The following FUBP3 variants were observed in gnomAD, a reference collection of about 807,000 sequenced individuals.
FUBP3 encodes the protein far upstream element-binding protein 3.
FUBP3 carries 28 observed loss-of-function variants against 85.6 expected under a neutral mutation model. The ratio of observed to expected loss-of-function variants is 0.33; its 90% CI spans 0.24 to 0.45. FUBP3 has a LOEUF of 0.45. Ranked by LOEUF, FUBP3 falls within the 20% of genes least tolerant of loss-of-function variation. The pLI is 1.00. For missense variants in FUBP3, 583 were observed against 755.1 expected (o/e 0.77, Z 2.67); for synonymous variants, 271 against 271.4 (o/e 1.00, Z 0.01).
rs1413706142 is a variant in FUBP3 at position 130,635,098 on chromosome 9, C to T, written c.1582+360C>T. ...GGCTGGGTGCCACCTGGCCGGCAAA[C>T]AGACCAACCAGACATCTTGTTCTCT... is the stretch of plus-strand genomic sequence containing the variant. On this transcript the variant is annotated intron_variant, in intron 17 of 18. Coordinates refer to ENST00000319725, the MANE Select transcript of FUBP3 (RefSeq NM_003934.2). This position sits in a 1 kb window ranked among gnomAD's most constrained non-coding sequence, Gnocchi z 4.3. 6.6e-6 allele frequency among the ~76,000 whole-genome samples: 1 copy of T among 152,186 alleles called. No homozygotes were observed. The highest frequency in any genetic ancestry group is 1.5e-5 in the Non-Finnish European group (1 of 68,048).
At chr9:130,609,930 T>A (rs775672563) in intron 2 of FUBP3, 24 bp from the exon 3 acceptor site, 7 of 1,594,756 alleles carry the variant, frequency 4.4e-6, no homozygotes, top group Non-Finnish European at 5.2e-6. Context: ...TTTGATTTTT[T>A]TTTTCTCTTT....
In FUBP3 at chr9:130,612,546, T is replaced by G; in HGVS notation, c.274+41T>G. ...GTCTACTTTTTCCCTGATTCCTGTCTCTTCTTTTTCTCTCTTTTTTTCTGA... is the reference window on the plus strand; with the variant it reads ...GTCTACTTTTTCCCTGATTCCTGTCGCTTCTTTTTCTCTCTTTTTTTCTGA... On this transcript the variant is annotated intron_variant, in intron 4 of 18. Coordinates refer to ENST00000319725, the MANE Select transcript of FUBP3 (RefSeq NM_003934.2). This position sits in a 1 kb window ranked among gnomAD's most constrained non-coding sequence, Gnocchi z 4.1. 3.3e-6 allele frequency: 4 copies of G among 1,219,630 alleles called. No homozygotes were observed. Among genetic ancestry groups the G allele is most frequent in the Non-Finnish European group, 4.8e-6 (4 of 826,328 alleles). 75.6% of individuals were successfully genotyped at this position (1,219,630 alleles called of 1,614,324 possible). A position where few individuals can be genotyped will look rare whatever the true frequency, so the allele number is the denominator to read the frequency against.
At chr9:130,622,863 AGTGT>A in intron 10 of FUBP3, 53 bp downstream of exon 10, 1 of 870,596 alleles carries the variant, frequency 1.1e-6, no homozygotes, top group Non-Finnish European at 1.8e-6. Flanking sequence ...AAAAATCCTT[AGTGT>A]TAAAAGGATG....
In FUBP3 at chr9:130,612,089, C is replaced by T. The variant is rs1831774790; in HGVS notation, c.225-367C>T. Among the ~76,000 whole-genome samples, 1 of 152,200 alleles carries T rather than the reference C, an allele frequency of 6.6e-6. No homozygotes were observed. The highest frequency in any genetic ancestry group is 1.5e-5 in the Non-Finnish European group (1 of 68,046). On this transcript the variant is annotated intron_variant, in intron 3 of 18. Transcript: ENST00000319725. This position sits in a 1 kb window ranked among gnomAD's most constrained non-coding sequence, Gnocchi z 4.1. ...AACATCTCCCAAAACCCTGGAGGAC[C>T]TTTCAGTGACCTGGGATTGATGGCC... is the stretch of plus-strand genomic sequence containing the variant.
chr9:130,617,765 C>G, intron 7 of FUBP3, 32 bp from the exon 8 acceptor site: 1 of 1,282,846 alleles, frequency 7.8e-7, no homozygotes, highest in African/African-American at 1.5e-5. Flanking sequence ...CTGCATTATT[C>G]ATGAGGCTGT....
At chr9:130,584,155 G>A (rs990276382) in intron 1 of FUBP3, among the ~76,000 whole-genome samples, 8 of 152,256 alleles carry the variant, frequency 5.3e-5, no homozygotes, top group African/African-American at 1.9e-4. Flanking sequence ...CAAACTTGTG[G>A]CCTGTGAGCT....
chr9:130,626,187 G>A (rs1197525835), intron 11 of FUBP3, 177 bp from the exon 12 acceptor site: 1 of 630,638 alleles, frequency 1.6e-6, no homozygotes, highest in African/African-American at 1.8e-5. Flanking sequence ...AGATACACCT[G>A]TGATCGGTGT....
At chr9:130,598,134 T>A (rs547939407) in intron 2 of FUBP3, among the ~76,000 whole-genome samples, 30 of 152,364 alleles carry the variant, frequency 2.0e-4, no homozygotes, top group African/African-American at 7.2e-4. Flanking sequence ...AGCTAACATC[T>A]GCCTGTGACC....
At chr9:130,610,696 A>G (rs536939667) in intron 3 of FUBP3, among the ~76,000 whole-genome samples, 23 of 152,356 alleles carry the variant, frequency 1.5e-4, no homozygotes, top group African/African-American at 4.1e-4. Context: ...ATTTTGTGCT[A>G]TGTATCTGTT....
intron 6 of FUBP3, 54 bp downstream of exon 6, chr9:130,614,399 G>A (rs1195279613): frequency 3.6e-6 from 4 of 1,121,760 alleles, no homozygotes; most frequent in Non-Finnish European, 4.0e-6. Flanking sequence ...TTCCCCAAAT[G>A]GGGAGAAATG....
intron 2 of FUBP3, among the ~76,000 whole-genome samples, chr9:130,609,485 C>T (rs1298102885): frequency 2.6e-5 from 4 of 152,200 alleles, no homozygotes; most frequent in East Asian, 1.9e-4. Flanking sequence ...TCTCCTCCCC[C>T]GTGGCCAGGA....
chr9:130,624,612 TG>T (rs1564218755), intron 11 of FUBP3, among the ~76,000 whole-genome samples: 5 of 38,990 alleles, frequency 1.3e-4, no homozygotes, highest in Non-Finnish European at 2.8e-4. Context: ...CAAGATTTTG[TG>T]TGTGTGTGTG....
chr9:130,587,989 A>G (rs1192775345), intron 1 of FUBP3, among the ~76,000 whole-genome samples: 1 of 152,208 alleles, frequency 6.6e-6, no homozygotes, highest in African/African-American at 2.4e-5. Flanking sequence ...TTCAATTGTC[A>G]TAGAATTCTT....
At chr9:130,620,501 T>G in intron 9 of FUBP3, 43 bp downstream of exon 9, 41 of 910,928 alleles carry the variant, frequency 4.5e-5, no homozygotes, top group Non-Finnish European at 6.3e-5. Flanking sequence ...AGATGAGGAC[T>G]AAAGTTGTAG....
In FUBP3 at chr9:130,579,609, G is replaced by A; in HGVS notation, c.-72G>A. ...GGCTACGGGTCCCCAAGCGGAGCGGGAGGCCGGACCGGGGAGCCGAGCGGC... is the reference window on the plus strand; with the variant it reads ...GGCTACGGGTCCCCAAGCGGAGCGGAAGGCCGGACCGGGGAGCCGAGCGGC... On this transcript the variant is annotated 5_prime_UTR_variant, in exon 1 of 19. Coordinates refer to ENST00000319725, the MANE Select transcript of FUBP3 (RefSeq NM_003934.2). The A allele has an allele frequency of 1.0e-6, 1 of 964,054 alleles. No individual in the cohort carries two copies. The highest frequency in any genetic ancestry group is 1.3e-6 in the Non-Finnish European group (1 of 745,054). The allele number at this position is 964,054 out of a possible 1,614,324, so 59.7% of individuals were successfully genotyped here.
At chr9:130,606,294 G>T (rs1831427672) in intron 2 of FUBP3, among the ~76,000 whole-genome samples, 1 of 152,162 alleles carries the variant, frequency 6.6e-6, no homozygotes, top group African/African-American at 2.4e-5. Context: ...ATCCAAAGAA[G>T]AGGCAGAGGA....
chr9:130,623,050 C>A (rs913116280), intron 10 of FUBP3, among the ~76,000 whole-genome samples: 12 of 151,572 alleles, frequency 7.9e-5, no homozygotes, highest in African/African-American at 2.7e-4. Flanking sequence ...TTTCTTTTTT[C>A]TTCCTGGAGT....
chr9:130,597,219 A>C (rs1348137594), intron 2 of FUBP3, among the ~76,000 whole-genome samples: 1 of 152,210 alleles, frequency 6.6e-6, no homozygotes, highest in Non-Finnish European at 1.5e-5. Flanking sequence ...ATGTTGTTGC[A>C]AATGACTGGA....
intron 14 of FUBP3, 84 bp from the exon 15 acceptor site, chr9:130,631,858 C>A (rs1421732396): frequency 2.9e-6 from 3 of 1,045,972 alleles, no homozygotes; most frequent in Non-Finnish European, 4.5e-6. Flanking sequence ...CCCGACTGCC[C>A]CCTCAGTGCC....
Sources: allele counts gnomAD v4.1 joint callset (sites outside exome capture counted in the v4.1 genomes callset), GRCh38; gene constraint gnomAD v4.1.1; non-coding constraint Gnocchi (gnomAD v3.1); transcripts MANE v1.5; gene names NCBI Gene and HGNC (gene_info 2026-07-23, HGNC 2026-07-21).